The following DTWD1 variants were observed in gnomAD, a reference collection of about 807,000 sequenced individuals.
The protein encoded by DTWD1 is DTW motif tRNA-uridine aminocarboxypropyltransferase 1.
DTWD1 carries 27 observed loss-of-function variants against 30.2 expected under a neutral mutation model. That is an observed-to-expected ratio of 0.90 (90% CI 0.66 to 1.23). DTWD1 has a LOEUF of 1.23. DTWD1 is among the 50% of genes most tolerant of loss of function. The pLI is 0.00. For synonymous variants in DTWD1, 99 were observed against 113.1 expected (o/e 0.88, Z 0.79); for missense variants, 342 against 348.8 (o/e 0.98, Z 0.15).
rs1244984146 is a variant in DTWD1, at chr15:49,646,952, C to T, written c.*3374C>T. 13 of 152,016 alleles carry T rather than the reference C, an allele frequency of 8.6e-5. No individual in the cohort carries two copies. The highest frequency in any genetic ancestry group is 7.9e-4 in the Admixed American group (12 of 15,254). 9.4% of individuals were successfully genotyped at this position (152,016 alleles called of 1,614,324 possible). A position where few individuals can be genotyped will look rare whatever the true frequency, so the allele number is the denominator to read the frequency against. ...CTGGATTTAGTTAGAAAAGCAGCAT[C>T]GTTACAAGTATTACATGAATAAAGA... On this transcript the variant is annotated 3_prime_UTR_variant, in exon 5 of 5. Transcript: ENST00000403028.
chr15:49,638,506 A>G (rs967407714), intron 4 of DTWD1, among the ~76,000 whole-genome samples: 3 of 152,190 alleles, frequency 2.0e-5, no homozygotes, highest in African/African-American at 4.8e-5. Flanking sequence ...TTAGGGCTCT[A>G]TACATATCTA....
At chr15:49,639,333 G>A (rs2079038616) in intron 4 of DTWD1, among the ~76,000 whole-genome samples, 1 of 152,118 alleles carries the variant, frequency 6.6e-6, no homozygotes, top group African/African-American at 2.4e-5. Context: ...GATGAAGGTG[G>A]GAGTATCACT....
Position 49,647,116 on chromosome 15 carries a change from C to T in DTWD1, c.*3538C>T, listed in dbSNP as rs2079124824. The T allele has an allele frequency of 6.6e-6, 1 of 152,170 alleles. No individual in the cohort carries two copies. Among genetic ancestry groups the T allele is most frequent in the Non-Finnish European group, 1.5e-5 (1 of 68,018 alleles). The allele number at this position is 152,170 out of a possible 1,614,324, so 9.4% of individuals were successfully genotyped here. ...GAGATTCTCAAAGTACTCATGACTT[C>T]ATTTGTAGAAACATGTATATCTTAA... On this transcript the variant is annotated 3_prime_UTR_variant, in exon 5 of 5. Transcript: ENST00000403028.
rs942404445 is a variant in DTWD1 at position 49,651,721 on chromosome 15, C to G, written c.*8143C>G. On this transcript the variant is annotated 3_prime_UTR_variant, in exon 5 of 5. Coordinates refer to ENST00000403028, the MANE Select transcript of DTWD1 (RefSeq NM_001144955.2). ...AGTTTGCTTTTCCTCTTTGCAGAGC[C>G]TCAGTCAGTATCACCATTTGAGTTT... is the stretch of plus-strand genomic sequence containing the variant. 1 of 152,126 alleles carries G rather than the reference C, an allele frequency of 6.6e-6. No individual in the cohort carries two copies. Among genetic ancestry groups the G allele is most frequent in the East Asian group, 1.9e-4 (1 of 5,176 alleles). The allele number at this position is 152,126 out of a possible 1,614,324, so 9.4% of individuals were successfully genotyped here.
chr15:49,650,149 A>G lies in DTWD1; in HGVS notation c.*6571A>G, dbSNP rs1420741560. On this transcript the variant is annotated 3_prime_UTR_variant, in exon 5 of 5. Coordinates refer to ENST00000403028, the MANE Select transcript of DTWD1 (RefSeq NM_001144955.2). ...GGCATGTTTGAGGAATAACAAGGAC[A>G]CTAGTTTGGAACAGTGTGTGGGAGG... 2.0e-5 allele frequency: 3 copies of G among 152,132 alleles called. No homozygotes were observed. The highest frequency in any genetic ancestry group is 4.4e-5 in the Non-Finnish European group (3 of 68,014). The allele number at this position is 152,132 out of a possible 1,614,324, so 9.4% of individuals were successfully genotyped here.
At position 49,625,459 on chromosome 15, in the gene DTWD1, G is replaced by A. The variant is rs200261970; in HGVS notation, c.264+28G>A. 5.7e-6 allele frequency: 9 copies of A among 1,581,678 alleles called. No individual in the cohort carries two copies. In the Admixed American group the frequency reaches 1.4e-4, roughly 25 times the overall value. On this transcript the variant is annotated intron_variant, in intron 2 of 4. Coordinates refer to ENST00000403028, the MANE Select transcript of DTWD1 (RefSeq NM_001144955.2). Reference sequence around the variant, plus strand: ...TAGTAAGAAATTTAATTGTTTGAAAGTATGAAAATAGATTTTTTAAAAACA... The same window carrying A: ...TAGTAAGAAATTTAATTGTTTGAAAATATGAAAATAGATTTTTTAAAAACA...
Position 49,651,531 on chromosome 15 carries a change from T to C in DTWD1, c.*7953T>C, listed in dbSNP as rs1245693251. 1.3e-5 allele frequency: 2 copies of C among 152,148 alleles called. No homozygotes were observed. The highest frequency in any genetic ancestry group is 2.9e-5 in the Non-Finnish European group (2 of 68,056). 9.4% of individuals were successfully genotyped at this position (152,148 alleles called of 1,614,324 possible). A position where few individuals can be genotyped will look rare whatever the true frequency, so the allele number is the denominator to read the frequency against. Reference sequence around the variant, plus strand: ...TGAGTTTCAACTTACCAAGGCTGCCTTAGCTGCTGCTGCTGTTGAATGTCC... The same window carrying C: ...TGAGTTTCAACTTACCAAGGCTGCCCTAGCTGCTGCTGCTGTTGAATGTCC... On this transcript the variant is annotated 3_prime_UTR_variant, in exon 5 of 5. Transcript: ENST00000403028.
intron 4 of DTWD1, among the ~76,000 whole-genome samples, chr15:49,641,714 T>C (rs2079067300): frequency 6.6e-6 from 1 of 152,090 alleles, no homozygotes; most frequent in Non-Finnish European, 1.5e-5. Context: ...AGGTTGCCAG[T>C]TCTGTTTTTT....
In DTWD1 at chr15:49,654,185, A is replaced by G. The variant is rs1359603464; in HGVS notation, c.*10607A>G. The G allele has an allele frequency of 2.6e-5, 4 of 152,108 alleles. No individual in the cohort carries two copies. Among genetic ancestry groups the G allele is most frequent in the Admixed American group, 6.6e-5 (1 of 15,244 alleles). 9.4% of individuals were successfully genotyped at this position (152,108 alleles called of 1,614,324 possible). On this transcript the variant is annotated 3_prime_UTR_variant, in exon 5 of 5. Coordinates refer to ENST00000403028, the MANE Select transcript of DTWD1 (RefSeq NM_001144955.2). ...CTGAGGAAGTTTATTGTATCTGGAC[A>G]TGGTTTAGATGATAAGATTCTGAAC... is the stretch of plus-strand genomic sequence containing the variant.
At position 49,647,836 on chromosome 15, in the gene DTWD1, A is replaced by T. The variant is rs983341451; in HGVS notation, c.*4258A>T. 5.9e-5 allele frequency: 9 copies of T among 152,162 alleles called. No individual in the cohort carries two copies. The highest frequency in any genetic ancestry group is 2.2e-4 in the African/African-American group (9 of 41,450). 9.4% of individuals were successfully genotyped at this position (152,162 alleles called of 1,614,324 possible). On this transcript the variant is annotated 3_prime_UTR_variant, in exon 5 of 5. Transcript: ENST00000403028. The stretch of plus-strand genomic sequence containing the variant: ...AAAACTGTCTTCAAAATAAGAGTAT[A>T]TTATATTCACAAAACAAGAATAGGA...
chr15:49,638,416 A>G (rs2079027871), intron 4 of DTWD1, among the ~76,000 whole-genome samples: 1 of 152,216 alleles, frequency 6.6e-6, no homozygotes, highest in Middle Eastern at 3.2e-3. Context: ...TAAAAGGAAC[A>G]GATTTCTAAA....
At position 49,646,317 on chromosome 15, in the gene DTWD1, G is replaced by C. The variant is rs964104175; in HGVS notation, c.*2739G>C. ...TGTGGCTATAGATATCTCATCTTTGGATGCATTATCAGATCATCTTCTTCA... is the reference window on the plus strand; with the variant it reads ...TGTGGCTATAGATATCTCATCTTTGCATGCATTATCAGATCATCTTCTTCA... On this transcript the variant is annotated 3_prime_UTR_variant, in exon 5 of 5. Coordinates refer to ENST00000403028, the MANE Select transcript of DTWD1 (RefSeq NM_001144955.2). 4 of 152,150 alleles carry C rather than the reference G, an allele frequency of 2.6e-5. No homozygotes were observed. Among genetic ancestry groups the C allele is most frequent in the Non-Finnish European group, 5.9e-5 (4 of 68,026 alleles). The allele number at this position is 152,150 out of a possible 1,614,324, so 9.4% of individuals were successfully genotyped here.
In DTWD1 at chr15:49,652,408, TAAAC is replaced by T. The variant is rs2079157813; in HGVS notation, c.*8831_*8834del. On this transcript the variant is annotated 3_prime_UTR_variant, in exon 5 of 5. Coordinates refer to ENST00000403028, the MANE Select transcript of DTWD1 (RefSeq NM_001144955.2). The stretch of plus-strand genomic sequence containing the variant: ...AGTAATAAATGTGGTGCCCAAGTGA[TAAAC>T]CTACCAAATTGAGACTAATGTGTAG... The T allele has an allele frequency of 6.6e-6, 1 of 152,106 alleles. No individual in the cohort carries two copies. 9.4% of individuals were successfully genotyped at this position (152,106 alleles called of 1,614,324 possible).
rs930973172 is a variant in DTWD1, at chr15:49,647,776, G to T, written c.*4198G>T. On this transcript the variant is annotated 3_prime_UTR_variant, in exon 5 of 5. Transcript: ENST00000403028. ...GAAAAGGAGGGGAGAAAATCCAAAG[G>T]AAATAGACAAACGGAGAATAATGGC... 6.6e-6 allele frequency: 1 copy of T among 150,626 alleles called. No homozygotes were observed. The highest frequency in any genetic ancestry group is 1.5e-5 in the Non-Finnish European group (1 of 67,682). The allele number at this position is 150,626 out of a possible 1,614,324, so 9.3% of individuals were successfully genotyped here.
intron 4 of DTWD1, among the ~76,000 whole-genome samples, chr15:49,642,952 A>G (rs1483458933): frequency 6.6e-6 from 1 of 152,012 alleles, no homozygotes; most frequent in Non-Finnish European, 1.5e-5. Flanking sequence ...CAGTTTGTCA[A>G]GGAAATGAAA....
chr15:49,633,141 A>G (rs1024847779), intron 3 of DTWD1, among the ~76,000 whole-genome samples: 1 of 149,862 alleles, frequency 6.7e-6, no homozygotes, highest in East Asian at 1.9e-4. Context: ...ATCTAGGAAA[A>G]TGTTTCTTTC....
rs1366533211 is a variant in DTWD1 at position 49,643,930 on chromosome 15, A to C, written c.*352A>C. 1 of 158,938 alleles carries C rather than the reference A, an allele frequency of 6.3e-6. No homozygotes were observed. Among genetic ancestry groups the C allele is most frequent in the Non-Finnish European group, 1.4e-5 (1 of 72,866 alleles). The allele number at this position is 158,938 out of a possible 1,614,324, so 9.8% of individuals were successfully genotyped here. ...TCTTTATATCTTTTCACCTGTACTCATGACCACCTTTAGAAGTAAATGGGG... is the reference window on the plus strand; with the variant it reads ...TCTTTATATCTTTTCACCTGTACTCCTGACCACCTTTAGAAGTAAATGGGG... On this transcript the variant is annotated 3_prime_UTR_variant, in exon 5 of 5. Coordinates refer to ENST00000403028, the MANE Select transcript of DTWD1 (RefSeq NM_001144955.2).
At chr15:49,625,490 T>G in intron 2 of DTWD1, 59 bp downstream of exon 2, 1 of 1,398,576 alleles carries the variant, frequency 7.2e-7, no homozygotes, top group Non-Finnish European at 9.8e-7. Context: ...AAACATCTCA[T>G]GTATACCTAC....
At chr15:49,628,185 A>G (rs1054549489) in intron 2 of DTWD1, among the ~76,000 whole-genome samples, 5 of 152,068 alleles carry the variant, frequency 3.3e-5, no homozygotes, top group African/African-American at 1.2e-4. Flanking sequence ...CCACCTCCAC[A>G]TCTTGTCCCA....
Sources: allele counts gnomAD v4.1 joint callset (sites outside exome capture counted in the v4.1 genomes callset), GRCh38; gene constraint gnomAD v4.1.1; transcripts MANE v1.5; gene names NCBI Gene and HGNC (gene_info 2026-07-23, HGNC 2026-07-21).